The following SLC10A7 variants were observed in gnomAD, a reference collection of about 807,000 sequenced individuals.
SLC10A7 encodes the protein solute carrier family 10 member 7.
Under a neutral mutation model 43.2 loss-of-function variants are expected in SLC10A7, and 29 were observed. The observed-to-expected ratio is 0.67, with a 90% CI of 0.50 to 0.92. The LOEUF (loss-of-function observed/expected upper bound fraction) is 0.92, where lower values mean the gene tolerates loss of function less well. Among genes scored for constraint, SLC10A7 ranks in the 40% least tolerant of loss-of-function variants. SLC10A7 has a pLI of 0.00. For synonymous variants in SLC10A7, 152 were observed against 144.8 expected, an observed-to-expected ratio of 1.05 and a Z score of -0.35; for missense variants, 295 against 403.2, an observed-to-expected ratio of 0.73 and a Z score of 2.30.
intron 6 of SLC10A7, among the ~76,000 whole-genome samples, chr4:146,324,927 G>A (rs1430335108): frequency 6.6e-6 from 1 of 152,140 alleles, no homozygotes; most frequent in Non-Finnish European, 1.5e-5. Context: ...GGGAGGGTAA[G>A]GATGAGGTTT....
At chr4:146,331,411 G>C (rs1204614766) in intron 5 of SLC10A7, among the ~76,000 whole-genome samples, 2 of 152,132 alleles carry the variant, frequency 1.3e-5, no homozygotes, top group African/African-American at 4.8e-5. Flanking sequence ...GATGGAAATG[G>C]TTTCTGTCTA....
intron 5 of SLC10A7, among the ~76,000 whole-genome samples, chr4:146,441,256 A>G (rs1730574855): frequency 6.6e-6 from 1 of 152,214 alleles, no homozygotes; most frequent in African/African-American, 2.4e-5. Context: ...TACAAATCCC[A>G]AAGAACCACA....
intron 5 of SLC10A7, among the ~76,000 whole-genome samples, chr4:146,382,324 T>C (rs1737685282): frequency 6.6e-6 from 1 of 152,180 alleles, no homozygotes; most frequent in Non-Finnish European, 1.5e-5. Context: ...TGATCAGTCA[T>C]TTCTTCCATT....
intron 1 of SLC10A7, among the ~76,000 whole-genome samples, chr4:146,519,822 A>G (rs564415804): frequency 1.2e-4 from 18 of 152,302 alleles, no homozygotes; most frequent in Admixed American, 4.6e-4. Context: ...TTGGCTTAAA[A>G]CACTTTAAAT....
intron 5 of SLC10A7, among the ~76,000 whole-genome samples, chr4:146,419,060 T>C (rs1047237193): frequency 2.6e-5 from 4 of 152,218 alleles, no homozygotes; most frequent in African/African-American, 9.6e-5. Context: ...GGAGCTTCCA[T>C]GCCCTCTCCA....
intron 7 of SLC10A7, among the ~76,000 whole-genome samples, chr4:146,301,327 G>T (rs1201004030): frequency 6.6e-6 from 1 of 152,120 alleles, no homozygotes; most frequent in Admixed American, 6.5e-5. Flanking sequence ...CCATGGTCAG[G>T]TGAAGGATGA....
intron 5 of SLC10A7, among the ~76,000 whole-genome samples, chr4:146,425,055 C>T (rs566185756): frequency 5.3e-5 from 8 of 152,184 alleles, no homozygotes; most frequent in Non-Finnish European, 8.8e-5. Flanking sequence ...AAATAAAAAT[C>T]ATGAGCACTT....
chr4:146,456,743 C>G (rs575406838), intron 4 of SLC10A7, among the ~76,000 whole-genome samples: 1 of 151,876 alleles, frequency 6.6e-6, no homozygotes, highest in African/African-American at 2.4e-5. Flanking sequence ...GATTAAATCA[C>G]GGATCACATG....
At chr4:146,478,886 A>C (rs191496745) in intron 4 of SLC10A7, among the ~76,000 whole-genome samples, 1 of 152,310 alleles carries the variant, frequency 6.6e-6, no homozygotes, top group East Asian at 1.9e-4. Context: ...TCATAGTCAC[A>C]ATATCACCAA....
intron 4 of SLC10A7, among the ~76,000 whole-genome samples, chr4:146,472,110 T>C (rs1270082160): frequency 2.6e-5 from 4 of 152,116 alleles, no homozygotes; most frequent in Non-Finnish European, 5.9e-5. Flanking sequence ...CTATAAAATA[T>C]AGTGGAATAA....
intron 6 of SLC10A7, among the ~76,000 whole-genome samples, chr4:146,324,001 A>C (rs1732925563): frequency 6.6e-6 from 1 of 152,174 alleles, no homozygotes; most frequent in Non-Finnish European, 1.5e-5. Flanking sequence ...CATTGTGCAA[A>C]ATTCAAAAGC....
At chr4:146,497,249 C>T (rs185331409) in intron 4 of SLC10A7, among the ~76,000 whole-genome samples, 8 of 152,260 alleles carry the variant, frequency 5.3e-5, no homozygotes, top group Admixed American at 1.3e-4. Flanking sequence ...AATAACATGC[C>T]TATAGTCAGT....
At chr4:146,360,388 T>C (rs1735957858) in intron 5 of SLC10A7, among the ~76,000 whole-genome samples, 1 of 152,156 alleles carries the variant, frequency 6.6e-6, no homozygotes. Context: ...TCACATTTAA[T>C]ATTAAAAATA....
chr4:146,360,905 G>A (rs1200544562), intron 5 of SLC10A7, among the ~76,000 whole-genome samples: 1 of 152,012 alleles, frequency 6.6e-6, no homozygotes, highest in East Asian at 1.9e-4. Flanking sequence ...ATCTGATTAG[G>A]TCACCCCCCG....
intron 10 of SLC10A7, among the ~76,000 whole-genome samples, chr4:146,265,038 C>T (rs554028572): frequency 1.3e-5 from 2 of 152,306 alleles, no homozygotes; most frequent in East Asian, 3.9e-4. Flanking sequence ...TTTCCAGTGT[C>T]CATTCATCAA....
chr4:146,342,162 C>T (rs1444745710), intron 5 of SLC10A7, among the ~76,000 whole-genome samples: 2 of 151,768 alleles, frequency 1.3e-5, no homozygotes, highest in African/African-American at 4.8e-5. Flanking sequence ...TCTTTTCCCA[C>T]TTCTCTATAT....
At chr4:146,510,530 A>G (rs1378867546) in intron 2 of SLC10A7, among the ~76,000 whole-genome samples, 1 of 152,146 alleles carries the variant, frequency 6.6e-6, no homozygotes, top group Non-Finnish European at 1.5e-5. Flanking sequence ...AAGTGCTGGG[A>G]TTACAGGCAT....
At chr4:146,486,178 A>G (rs1734903985) in intron 4 of SLC10A7, among the ~76,000 whole-genome samples, 1 of 152,234 alleles carries the variant, frequency 6.6e-6, no homozygotes. Context: ...AGACCATTCA[A>G]TACTCAACTA....
At chr4:146,282,481 C>G (rs1038844999) in intron 10 of SLC10A7, among the ~76,000 whole-genome samples, 1 of 152,004 alleles carries the variant, frequency 6.6e-6, no homozygotes, top group African/African-American at 2.4e-5. Flanking sequence ...GCCCACCACC[C>G]CAAGGAGTTT....
Sources: allele counts gnomAD v4.1 joint callset (sites outside exome capture counted in the v4.1 genomes callset), GRCh38; gene constraint gnomAD v4.1.1; transcripts MANE v1.5; gene names NCBI Gene and HGNC (gene_info 2026-07-23, HGNC 2026-07-21).